The following HAPSTR1 variants were observed in gnomAD, a reference collection of about 807,000 sequenced individuals.
HAPSTR1 encodes the protein HUWE1-associated protein modifying stress responses 1.
At chr16:9,117,173 A>T in the HAPSTR1 span, 1 of 454,182 alleles carries the variant, frequency 2.2e-6, no homozygotes, top group East Asian at 3.9e-5. Context: ...AGGCAAACAT[A>T]TATCCGTTCC....
chr16:9,102,685 A>G, the HAPSTR1 span, among the ~76,000 whole-genome samples: 3 of 152,190 alleles, frequency 2.0e-5, no homozygotes, highest in African/African-American at 7.2e-5. Context: ...GATGTGATGC[A>G]AGTTATTTTA....
At chr16:9,096,972 C>T in the HAPSTR1 span, among the ~76,000 whole-genome samples, 2 of 152,170 alleles carry the variant, frequency 1.3e-5, no homozygotes, top group South Asian at 2.1e-4. Flanking sequence ...GACGAAGTCT[C>T]GCTCTTGTCC....
chr16:9,111,452 A>G, the HAPSTR1 span: 295 of 152,376 alleles, frequency 1.9e-3, no homozygotes, highest in African/African-American at 6.9e-3. Flanking sequence ...CCCTGAAAAG[A>G]ACAATTAAGG....
chr16:9,096,558 A>C, the HAPSTR1 span, among the ~76,000 whole-genome samples: 5 of 152,192 alleles, frequency 3.3e-5, no homozygotes, highest in Non-Finnish European at 5.9e-5. Flanking sequence ...AGAACTGAGC[A>C]TAACTGTAAA....
At chr16:9,094,054 A>C in the HAPSTR1 span, among the ~76,000 whole-genome samples, 1 of 152,002 alleles carries the variant, frequency 6.6e-6, no homozygotes, top group East Asian at 1.9e-4. Flanking sequence ...TTGACTGTCA[A>C]GTTGTTAATT....
the HAPSTR1 span, chr16:9,092,359 G>A: frequency 8.7e-7 from 1 of 1,154,520 alleles, no homozygotes. Flanking sequence ...CGCTTCGGGG[G>A]GCCGCGACGG....
At chr16:9,116,919 A>G in the HAPSTR1 span, 87 of 1,612,740 alleles carry the variant, frequency 5.4e-5, 2 homozygotes, top group South Asian at 8.7e-4. Context: ...CTAAACTGCA[A>G]ACATTTTCAC....
At chr16:9,101,835 A>G in the HAPSTR1 span, among the ~76,000 whole-genome samples, 2 of 152,076 alleles carry the variant, frequency 1.3e-5, no homozygotes, top group Admixed American at 1.3e-4. Context: ...ACAAGAAATT[A>G]AAGCCGCCGG....
chr16:9,110,213 C>CT, the HAPSTR1 span: 1 of 128,878 alleles, frequency 7.8e-6, no homozygotes, highest in Non-Finnish European at 1.6e-5. Flanking sequence ...CATGGAACTT[C>CT]TTATTCTCTT....
the HAPSTR1 span, among the ~76,000 whole-genome samples, chr16:9,098,020 C>T: frequency 6.6e-6 from 1 of 152,262 alleles, no homozygotes; most frequent in African/African-American, 2.4e-5. Context: ...AGGCAGGCAA[C>T]AAACAGTGGT....
the HAPSTR1 span, chr16:9,111,049 AC>A: frequency 1.3e-5 from 1 of 78,726 alleles, no homozygotes; most frequent in African/African-American, 1.1e-4. Context: ...AAAAAACAAA[AC>A]AAAAACCTGT....
the HAPSTR1 span, among the ~76,000 whole-genome samples, chr16:9,100,681 C>T: frequency 5.4e-3 from 824 of 152,134 alleles, 8 homozygotes; most frequent in African/African-American, 0.019. Context: ...TTACAGGTGC[C>T]TACCACCCAT....
the HAPSTR1 span, among the ~76,000 whole-genome samples, chr16:9,097,556 A>G: frequency 6.6e-6 from 1 of 152,182 alleles, no homozygotes; most frequent in African/African-American, 2.4e-5. Context: ...TTTTTCTGTG[A>G]AAGAATATGT....
the HAPSTR1 span, chr16:9,109,293 T>C: frequency 6.6e-6 from 1 of 152,092 alleles, no homozygotes; most frequent in Non-Finnish European, 1.5e-5. Flanking sequence ...TTCTGAGGTA[T>C]AATCATGAGG....
the HAPSTR1 span, chr16:9,112,229 C>T: frequency 6.6e-6 from 1 of 152,204 alleles, no homozygotes; most frequent in Non-Finnish European, 1.5e-5. Context: ...GCTTGGATGT[C>T]CTGGCACCTC....
chr16:9,108,026 A>G, the HAPSTR1 span: 2 of 152,208 alleles, frequency 1.3e-5, no homozygotes, highest in African/African-American at 4.8e-5. Flanking sequence ...CCAGATAGCT[A>G]CAATCAGGGA....
chr16:9,092,515 C>G, the HAPSTR1 span, among the ~76,000 whole-genome samples: 3 of 152,162 alleles, frequency 2.0e-5, no homozygotes, highest in Non-Finnish European at 4.4e-5. Context: ...GTCCGAGGGT[C>G]CCCGCTCTCC....
chr16:9,116,817 C>T, the HAPSTR1 span: 1 of 1,614,154 alleles, frequency 6.2e-7, no homozygotes, highest in Non-Finnish European at 8.5e-7. Flanking sequence ...AATGGCACTC[C>T]ACTTGGACAA....
chr16:9,096,696 C>A, the HAPSTR1 span, among the ~76,000 whole-genome samples: 1 of 152,108 alleles, frequency 6.6e-6, no homozygotes, highest in South Asian at 2.1e-4. Flanking sequence ...AGACTTTGTT[C>A]AAAATACCTT....
Sources: allele counts gnomAD v4.1 joint callset (sites outside exome capture counted in the v4.1 genomes callset), GRCh38; gene constraint gnomAD v4.1.1; transcripts MANE v1.5; gene names NCBI Gene and HGNC (gene_info 2026-07-23, HGNC 2026-07-21).